Variants in COL5A3 observed in about 807,000 individuals in gnomAD.
COL5A3 encodes collagen alpha-3(V) chain.
In COL5A3, 172 loss-of-function variants were observed where a neutral mutation model predicts 250.0. The ratio of observed to expected loss-of-function variants is 0.69; its 90% CI spans 0.61 to 0.78. COL5A3 has a LOEUF of 0.78. Ranked by LOEUF, COL5A3 falls within the 30% of genes least tolerant of loss-of-function variation. The pLI is 0.00. For missense variants in COL5A3, 2,340 were observed against 2,334.4 expected (o/e 1.00, Z -0.05); for synonymous variants, 937 against 900.4 (o/e 1.04, Z -0.73).
At chr19:9,962,054 A>C (rs1455044132) in intron 65 of COL5A3, among the ~76,000 whole-genome samples, 5 of 152,082 alleles carry the variant, frequency 3.3e-5, no homozygotes, top group Admixed American at 2.0e-4. Flanking sequence ...TAAATGTAAA[A>C]TCTCCATCAG....
intron 1 of COL5A3, among the ~76,000 whole-genome samples, chr19:10,008,828 G>A (rs189219091): frequency 6.6e-6 from 1 of 152,276 alleles, no homozygotes; most frequent in African/African-American, 2.4e-5. Context: ...TGATGGGGGA[G>A]TGCCGTTCTG....
chr19:9,973,734 G>A (rs754397781), intron 49 of COL5A3, 22 bp downstream of exon 49: 1 of 1,613,592 alleles, frequency 6.2e-7, no homozygotes, highest in Non-Finnish European at 8.5e-7. Flanking sequence ...CCCCCGTGCA[G>A]CCCCTGCCTT....
In COL5A3 at chr19:9,965,280, G is replaced by A. The variant is rs1287921792; in HGVS notation, c.4782+1034C>T. On this transcript the variant is annotated intron_variant, in intron 64 of 66. Transcript: ENST00000264828. ...CGCCATCCTCCTGCCTCAGCCTCCCGAGTAGCTGGGACTACAGGCGCCTGC... is the reference window on the plus strand; with the variant it reads ...CGCCATCCTCCTGCCTCAGCCTCCCAAGTAGCTGGGACTACAGGCGCCTGC... 5.4e-5 allele frequency among the ~76,000 whole-genome samples: 8 copies of A among 148,602 alleles called. No individual in the cohort carries two copies. The East Asian group carries it at 1.2e-3, about 23-fold the overall frequency.
chr19:10,005,511 A>G lies in COL5A3; in HGVS notation c.594+47T>C, dbSNP rs2145145769. The G allele has an allele frequency of 3.1e-6, 5 of 1,592,668 alleles. No homozygotes were observed. In the East Asian group the frequency reaches 1.1e-4, roughly 36 times the overall value. ...CCTCTCCAGATTCAGGCTGTAGACAAAACATCCCACCCTCTGCCTCAGTTT... is the reference window on the plus strand; with the variant it reads ...CCTCTCCAGATTCAGGCTGTAGACAGAACATCCCACCCTCTGCCTCAGTTT... On this transcript the variant is annotated intron_variant, in intron 4 of 66. Transcript: ENST00000264828.
In COL5A3 at chr19:9,979,977, AG is replaced by A; in HGVS notation, c.2658+16del. 6.3e-7 allele frequency: 1 copy of A among 1,579,776 alleles called. No homozygotes were observed. Among genetic ancestry groups the A allele is most frequent in the East Asian group, 2.3e-5 (1 of 43,734 alleles). On this transcript the variant is annotated intron_variant, in intron 36 of 66. Coordinates refer to ENST00000264828, the MANE Select transcript of COL5A3 (RefSeq NM_015719.4). ...TCCTCCACCCACCCAACCCCCAATG[AG>A]GGTGACCTCACTCACAGGGGGGCCC... is the stretch of plus-strand genomic sequence containing the variant.
At chr19:9,984,488 C>T (rs1430247453) in intron 31 of COL5A3, among the ~76,000 whole-genome samples, 3 of 152,288 alleles carry the variant, frequency 2.0e-5, no homozygotes, top group African/African-American at 7.2e-5. Flanking sequence ...TGCATAAGTA[C>T]ATTTGACTAT....
chr19:9,989,057 T>G, intron 27 of COL5A3, 67 bp downstream of exon 27: 1 of 1,518,434 alleles, frequency 6.6e-7, no homozygotes, highest in Non-Finnish European at 9.1e-7. Flanking sequence ...AAGTTTCTGA[T>G]GGAGCTGCAT....
rs1196881137 is a variant in COL5A3, at chr19:9,968,745, G to C, written c.4153-17C>G. 1.2e-6 allele frequency: 2 copies of C among 1,604,830 alleles called. No homozygotes were observed. The highest frequency in any genetic ancestry group is 1.7e-6 in the Non-Finnish European group (2 of 1,176,298). ...AGAGGGCCCCTGGGAGAAGAGCAAG[G>C]GTCAGTTAGGGATTCTCAAATGTGA... On this transcript the variant is annotated splice_polypyrimidine_tract_variant and intron_variant, in intron 57 of 66. Transcript: ENST00000264828. The surrounding 1 kb of genome is among the most constrained non-coding windows in gnomAD (Gnocchi z 4.1).
In COL5A3 at chr19:9,985,828, C is replaced by T. The variant is rs755371437; in HGVS notation, c.2406+14G>A. ...GCCCATATCCATCTCCACCCCCCAC[C>T]CCCAGCTTCCTACCTTAGGTCCAGG... On this transcript the variant is annotated intron_variant, in intron 31 of 66. Coordinates refer to ENST00000264828, the MANE Select transcript of COL5A3 (RefSeq NM_015719.4). The T allele has an allele frequency of 1.4e-5, 22 of 1,611,350 alleles. No homozygotes were observed. The highest frequency in any genetic ancestry group is 1.8e-5 in the Non-Finnish European group (21 of 1,178,102).
At position 9,967,410 on chromosome 19, in the gene COL5A3, G is replaced by A; in HGVS notation, c.4405-10C>T. 6.7e-7 allele frequency: 1 copy of A among 1,499,638 alleles called. No homozygotes were observed. The highest frequency in any genetic ancestry group is 8.8e-7 in the Non-Finnish European group (1 of 1,132,450). The allele number at this position is 1,499,638 out of a possible 1,614,324, so 92.9% of individuals were successfully genotyped here. A position where few individuals can be genotyped will look rare whatever the true frequency, so the allele number is the denominator to read the frequency against. ...GGGGGCCCATGGACCCCTGTAGGGA[G>A]AAGTCACTTGGAGAATGAACCCTGT... On this transcript the variant is annotated splice_polypyrimidine_tract_variant and intron_variant, in intron 61 of 66. Transcript: ENST00000264828.
chr19:9,994,374 G>T (rs958087408), intron 16 of COL5A3, among the ~76,000 whole-genome samples: 2 of 151,072 alleles, frequency 1.3e-5, no homozygotes, highest in African/African-American at 4.9e-5. Context: ...TGTAGAGACC[G>T]GGTTTTGCCA....
At chr19:9,984,434 A>T (rs898078059) in intron 31 of COL5A3, among the ~76,000 whole-genome samples, 1 of 152,218 alleles carries the variant, frequency 6.6e-6, no homozygotes, top group African/African-American at 2.4e-5. Flanking sequence ...TCACCCATCA[A>T]AACATTGGCA....
At chr19:9,986,169 C>A in intron 30 of COL5A3, 146 bp downstream of exon 30, 1 of 637,886 alleles carries the variant, frequency 1.6e-6, no homozygotes, top group Non-Finnish European at 2.7e-6. Context: ...CATTAAATTG[C>A]TCTGTAATGC....
intron 16 of COL5A3, among the ~76,000 whole-genome samples, 160 bp downstream of exon 16, chr19:9,995,404 C>A (rs995286672): frequency 6.6e-6 from 1 of 152,206 alleles, no homozygotes; most frequent in Non-Finnish European, 1.5e-5. Context: ...ACGGCCTGGC[C>A]GGATTCCTTT....
chr19:9,974,032 T>C (rs1370006991), intron 47 of COL5A3, 60 bp from the exon 48 acceptor site: 5 of 1,519,898 alleles, frequency 3.3e-6, no homozygotes, highest in East Asian at 2.3e-5. Flanking sequence ...AAAGGCCACA[T>C]TGACCACAGA....
intron 31 of COL5A3, among the ~76,000 whole-genome samples, chr19:9,984,815 G>C (rs537109068): frequency 6.6e-6 from 1 of 152,082 alleles, no homozygotes; most frequent in East Asian, 1.9e-4. Flanking sequence ...TTTTGAGACA[G>C]AGTCCCCCTC....
Position 9,996,657 on chromosome 19 carries a change from A to C in COL5A3, c.1296T>G (p.Ile432Met), listed in dbSNP as rs766728607. The C allele has an allele frequency of 3.7e-6, 6 of 1,608,458 alleles. No homozygotes were observed. The Admixed American group carries it at 1.0e-4, about 28-fold the overall frequency. Residue 432 changes from isoleucine to methionine, a missense_variant, in exon 12 of 67, where the codon ATT (isoleucine) becomes ATG (methionine). Ile to Met is a conservative substitution (Grantham distance 10). This residue lies in a region of COL5A3 where 1,152 missense variants were observed against 1,146.3 expected (regional missense o/e 1.00). Transcript: ENST00000264828. Reference protein sequence around the residue: ...GPAGLPGIPGIDGIRGPPGTV... With the variant: ...GPAGLPGIPGMDGIRGPPGTV... ...TGCCCGGTGGGCCTCGGATCCCATC[A>C]ATGCCGGGGATTCCTGGGAGGCCAG...
At chr19:9,995,118 G>A (rs2087250530) in intron 16 of COL5A3, among the ~76,000 whole-genome samples, 1 of 152,072 alleles carries the variant, frequency 6.6e-6, no homozygotes, top group Non-Finnish European at 1.5e-5. Flanking sequence ...ATGTTGGCCA[G>A]GTTGATCTCA....
chr19:9,972,290 C>T (rs1176983718), intron 51 of COL5A3, among the ~76,000 whole-genome samples: 1 of 151,954 alleles, frequency 6.6e-6, no homozygotes, highest in Non-Finnish European at 1.5e-5. Context: ...TTCATTCCCT[C>T]GTTCATCCAT....
Sources: allele counts gnomAD v4.1 joint callset (sites outside exome capture counted in the v4.1 genomes callset), GRCh38; gene constraint gnomAD v4.1.1; regional missense constraint gnomAD v4.1.1; non-coding constraint Gnocchi (gnomAD v3.1); transcripts MANE v1.5; gene names NCBI Gene and HGNC (gene_info 2026-07-23, HGNC 2026-07-21).